Variants in ITFG1 observed in about 807,000 individuals in gnomAD.
ITFG1 encodes integrin alpha FG-GAP repeat containing 1.
In ITFG1, 34 loss-of-function variants were observed where a neutral mutation model predicts 81.8. That is an observed-to-expected ratio of 0.42 (90% confidence interval 0.32 to 0.55). The LOEUF (loss-of-function observed/expected upper bound fraction) is 0.55, where lower values mean the gene tolerates loss of function less well. Among genes scored for constraint, ITFG1 ranks in the 20% least tolerant of loss-of-function variants. ITFG1 has a pLI of 0.17. For synonymous variants in ITFG1, 285 were observed against 270.6 expected (o/e 1.05, Z -0.52); for missense variants, 672 against 755.4 (o/e 0.89, Z 1.29).
intron 13 of ITFG1, among the ~76,000 whole-genome samples, chr16:47,232,102 C>A (rs2151532054): frequency 6.6e-6 from 1 of 152,256 alleles, no homozygotes; most frequent in African/African-American, 2.4e-5. Context: ...CCAAAGCCTC[C>A]AAAAAGGAAG....
intron 6 of ITFG1, among the ~76,000 whole-genome samples, chr16:47,418,247 CTT>C (rs1202035751): frequency 2.6e-5 from 4 of 152,076 alleles, no homozygotes; most frequent in African/African-American, 9.7e-5. Context: ...CCGTTGAATT[CTT>C]TGAGTTCATT....
At chr16:47,294,517 C>T (rs796610714) in intron 10 of ITFG1, among the ~76,000 whole-genome samples, 2 of 152,046 alleles carry the variant, frequency 1.3e-5, no homozygotes, top group African/African-American at 4.8e-5. Flanking sequence ...CTTTTTGTGC[C>T]ATCTACAATT....
chr16:47,409,845 T>C (rs1968788192), intron 6 of ITFG1, among the ~76,000 whole-genome samples: 2 of 151,956 alleles, frequency 1.3e-5, no homozygotes, highest in Admixed American at 6.6e-5. Flanking sequence ...CAATTCTATA[T>C]AGCCAAAAAA....
At chr16:47,230,988 T>G (rs1157773944) in intron 13 of ITFG1, among the ~76,000 whole-genome samples, 1 of 152,254 alleles carries the variant, frequency 6.6e-6, no homozygotes, top group Non-Finnish European at 1.5e-5. Flanking sequence ...GACCTCGTGA[T>G]CTGCCCGCCT....
rs143413237 is a variant in ITFG1, at chr16:47,350,510, C to G, written c.802+15278G>C. Among the ~76,000 whole-genome samples the G allele has an allele frequency of 4.2e-3, 640 of 152,284 alleles. 6 individuals are homozygous for G. The highest frequency in any genetic ancestry group is 0.015 in the African/African-American group (611 of 41,550). ...ACACATACGTCCTCCCAAGACTAAA[C>G]CAGGAAGAAGTTGATTCTCTGAATA... On this transcript the variant is annotated intron_variant, in intron 8 of 17. Transcript: ENST00000320640.
At chr16:47,355,515 G>A (rs993515700) in intron 8 of ITFG1, among the ~76,000 whole-genome samples, 1 of 152,100 alleles carries the variant, frequency 6.6e-6, no homozygotes, top group African/African-American at 2.4e-5. Flanking sequence ...TTTCATAATA[G>A]CTAAAAGAGA....
chr16:47,330,670 A>T (rs1256734340), intron 8 of ITFG1, among the ~76,000 whole-genome samples: 2 of 152,208 alleles, frequency 1.3e-5, no homozygotes, highest in Non-Finnish European at 2.9e-5. Context: ...AAAGAACATG[A>T]ACAGATACTT....
intron 12 of ITFG1, among the ~76,000 whole-genome samples, chr16:47,249,175 T>C (rs1467786004): frequency 6.6e-6 from 1 of 152,208 alleles, no homozygotes; most frequent in Non-Finnish European, 1.5e-5. Flanking sequence ...CCCACCACTT[T>C]GGGAGGCCAA....
intron 8 of ITFG1, among the ~76,000 whole-genome samples, chr16:47,361,240 A>G (rs59453301): frequency 0.07 from 10,663 of 152,124 alleles, 639 homozygotes; most frequent in African/African-American, 0.16. Flanking sequence ...TATAATTTAT[A>G]AATAAATTTA....
intron 10 of ITFG1, among the ~76,000 whole-genome samples, chr16:47,283,429 C>G (rs141781547): frequency 2.3e-4 from 35 of 152,240 alleles, no homozygotes; most frequent in African/African-American, 7.7e-4. Flanking sequence ...CCATTCTGTC[C>G]CATTGATCTG....
At chr16:47,212,476 C>T (rs570042720) in intron 14 of ITFG1, among the ~76,000 whole-genome samples, 1 of 152,310 alleles carries the variant, frequency 6.6e-6, no homozygotes, top group South Asian at 2.1e-4. Flanking sequence ...CTTGGCCTCC[C>T]AAAGTGCTGG....
At chr16:47,371,583 G>T (rs1052447699) in intron 7 of ITFG1, among the ~76,000 whole-genome samples, 4 of 152,106 alleles carry the variant, frequency 2.6e-5, no homozygotes, top group Non-Finnish European at 4.4e-5. Context: ...TGTTAAAACT[G>T]CCATATTTAT....
intron 8 of ITFG1, among the ~76,000 whole-genome samples, chr16:47,333,076 A>AT (rs923918815): frequency 2.1e-4 from 32 of 150,098 alleles, no homozygotes; most frequent in East Asian, 9.8e-4. Flanking sequence ...AGCTGTTCTT[A>AT]TTTTTTTTTT....
At chr16:47,461,224 G>A, upstream of ITFG1, 9 of 978,880 alleles carry the variant, frequency 9.2e-6, no homozygotes, top group Non-Finnish European at 1.2e-5. Flanking sequence ...AGTGGAGCTA[G>A]GGTGAAAGCC....
chr16:47,166,241 C>G (rs1243959730), intron 14 of ITFG1, among the ~76,000 whole-genome samples: 5 of 152,176 alleles, frequency 3.3e-5, no homozygotes, highest in Non-Finnish European at 7.3e-5. Flanking sequence ...CTTATTTTGT[C>G]TACATGACAT....
Position 47,242,934 on chromosome 16 carries a change from C to T in ITFG1, c.1331-4926G>A, listed in dbSNP as rs147136725. ...GGATCTGCGTGTAATTGCATGGGTA[C>T]GTTTACTGTGTTAAAATTTATAGAG... is the stretch of plus-strand genomic sequence containing the variant. On this transcript the variant is annotated intron_variant, in intron 12 of 17. Coordinates refer to ENST00000320640, the MANE Select transcript of ITFG1 (RefSeq NM_030790.5). Among the ~76,000 whole-genome samples the T allele has an allele frequency of 3.5e-3, 535 of 152,026 alleles. 3 individuals are homozygous for T. Among genetic ancestry groups the T allele is most frequent in the African/African-American group, 0.012 (507 of 41,476 alleles).
chr16:47,214,927 C>T (rs1965606778), intron 14 of ITFG1, among the ~76,000 whole-genome samples: 1 of 132,542 alleles, frequency 7.5e-6, no homozygotes, highest in Non-Finnish European at 1.5e-5. Context: ...TGAAAACACA[C>T]ACACACACAC....
chr16:47,253,192 T>C (rs1966098249), intron 12 of ITFG1, among the ~76,000 whole-genome samples: 1 of 152,172 alleles, frequency 6.6e-6, no homozygotes, highest in Non-Finnish European at 1.5e-5. Context: ...AACTCCAGAT[T>C]AGAGATTCTC....
At position 47,226,192 on chromosome 16, in the gene ITFG1, C is replaced by G. The variant is rs565690477; in HGVS notation, c.1375-7246G>C. ...ACGATGTTAGTTGTAATCCTGAGAG[C>G]AACTACTAACAAAATAACTTTTTTG... On this transcript the variant is annotated intron_variant, in intron 13 of 17. Transcript: ENST00000320640. 2.7e-3 allele frequency among the ~76,000 whole-genome samples: 412 copies of G among 152,258 alleles called. 2 individuals carry two copies. The highest frequency in any genetic ancestry group is 4.3e-3 in the Non-Finnish European group (294 of 68,006).
Sources: allele counts gnomAD v4.1 joint callset (sites outside exome capture counted in the v4.1 genomes callset), GRCh38; gene constraint gnomAD v4.1.1; transcripts MANE v1.5; gene names NCBI Gene and HGNC (gene_info 2026-07-23, HGNC 2026-07-21).